Variants in FRMPD4 observed in about 807,000 individuals in gnomAD.
FRMPD4 encodes FERM and PDZ domain-containing protein 4.
Under a neutral mutation model 94.1 loss-of-function variants are expected in FRMPD4, and 22 were observed. The observed-to-expected ratio is 0.23, with a 90% CI of 0.17 to 0.33. The LOEUF is 0.33. Among genes scored for constraint, FRMPD4 ranks in the 10% least tolerant of loss-of-function variants. The pLI is 1.00. For missense variants in FRMPD4, 1,111 were observed against 1,339.9 expected (o/e 0.83, Z 2.67); for synonymous variants, 631 against 548.6 (o/e 1.15, Z -2.10).
intron 5 of FRMPD4, among the ~76,000 whole-genome samples, chrX:12,682,392 T>G (rs2147104211): frequency 8.9e-6 from 1 of 112,166 alleles, no homozygotes; most frequent in East Asian, 2.8e-4. Flanking sequence ...TTACTAGAAT[T>G]CTTTACGCAA....
At chrX:12,005,594 T>A (rs1393323109) in intron 3 of FRMPD4, among the ~76,000 whole-genome samples, 2 of 109,630 alleles carry the variant, frequency 1.8e-5, no homozygotes, top group African/African-American at 3.3e-5. Flanking sequence ...ATTGTCCTAG[T>A]TTTTACCCCG....
chrX:12,459,833 G>A (rs954363582), intron 1 of FRMPD4, among the ~76,000 whole-genome samples: 33 of 111,682 alleles, frequency 3.0e-4, no homozygotes, highest in African/African-American at 9.7e-4. Flanking sequence ...CTGCTGGATC[G>A]TATGATAAAT....
chrX:12,316,146 TTTTA>T (rs1256423775), intron 1 of FRMPD4, among the ~76,000 whole-genome samples: 1 of 111,322 alleles, frequency 9.0e-6, no homozygotes, highest in Admixed American at 9.5e-5. Context: ...ATTTCCAGAT[TTTTA>T]TTTATTTATT....
chrX:12,642,435 G>A (rs1278693300), intron 4 of FRMPD4, among the ~76,000 whole-genome samples: 1 of 111,801 alleles, frequency 8.9e-6, no homozygotes, highest in Non-Finnish European at 1.9e-5. Context: ...TTTGGGGAGT[G>A]AAACAAGAGT....
chrX:11,995,765 C>T (rs939275889), intron 3 of FRMPD4, among the ~76,000 whole-genome samples: 4 of 111,952 alleles, frequency 3.6e-5, no homozygotes, highest in Non-Finnish European at 7.5e-5. Context: ...TGGCATCTGT[C>T]GTTCCTGGGG....
intron 3 of FRMPD4, among the ~76,000 whole-genome samples, chrX:12,035,748 G>A (rs927549665): frequency 9.0e-6 from 1 of 111,010 alleles, no homozygotes; most frequent in Non-Finnish European, 1.9e-5. Context: ...AGAGATCATG[G>A]GCCCAAAGCA....
At chrX:11,949,274 T>A (rs1158507610) in intron 3 of FRMPD4, among the ~76,000 whole-genome samples, 2 of 112,207 alleles carry the variant, frequency 1.8e-5, no homozygotes, top group East Asian at 5.6e-4. Flanking sequence ...AGATGGCCGT[T>A]CCCTTATGAA....
chrX:11,889,698 G>A (rs769240959), intron 3 of FRMPD4, among the ~76,000 whole-genome samples: 27 of 112,059 alleles, frequency 2.4e-4, no homozygotes, highest in African/African-American at 8.8e-4. Context: ...TTCATTTGCT[G>A]CATGAAATCA....
intron 4 of FRMPD4, among the ~76,000 whole-genome samples, chrX:12,645,582 C>T (rs1278212925): frequency 4.6e-5 from 5 of 109,509 alleles, no homozygotes; most frequent in Non-Finnish European, 9.5e-5. Context: ...CTCGAGCTTC[C>T]GACCTCAGGT....
intron 1 of FRMPD4, among the ~76,000 whole-genome samples, chrX:12,422,155 A>G (rs1158542919): frequency 8.9e-6 from 1 of 112,408 alleles, no homozygotes; most frequent in African/African-American, 3.2e-5. Flanking sequence ...AAAAGGGCAC[A>G]TGATCACCAC....
chrX:12,192,038 T>TA (rs1253606589), intron 1 of FRMPD4, among the ~76,000 whole-genome samples: 1 of 111,682 alleles, frequency 9.0e-6, no homozygotes, highest in Non-Finnish European at 1.9e-5. Flanking sequence ...AACACTTCTC[T>TA]AAAAAAACAA....
intron 1 of FRMPD4, among the ~76,000 whole-genome samples, chrX:12,231,010 G>GTATGTATATATATATA (rs1555938195): frequency 1.3e-4 from 5 of 39,142 alleles, no homozygotes; most frequent in Admixed American, 3.6e-4. Flanking sequence ...ATAATATATA[G>GTATGTATATATATATA]TATATATAGT....
At chrX:12,547,369 C>T (rs2058490022) in intron 2 of FRMPD4, among the ~76,000 whole-genome samples, 1 of 111,902 alleles carries the variant, frequency 8.9e-6, no homozygotes. Context: ...TAGCCCATCA[C>T]CTGTTATGGT....
chrX:12,003,384 CAA>C (rs1360831751), intron 3 of FRMPD4, among the ~76,000 whole-genome samples: 12 of 94,866 alleles, frequency 1.3e-4, no homozygotes, highest in Non-Finnish European at 2.5e-4. Context: ...TTCAGTTTGG[CAA>C]GTGTGTGTGT....
intron 1 of FRMPD4, among the ~76,000 whole-genome samples, chrX:12,315,299 C>A (rs2055097612): frequency 8.9e-6 from 1 of 112,427 alleles, no homozygotes; most frequent in South Asian, 3.7e-4. Context: ...AACCCCATTT[C>A]AAAATTCCAA....
chrX:11,907,634 G>C (rs1278214162), intron 3 of FRMPD4, among the ~76,000 whole-genome samples: 1 of 111,274 alleles, frequency 9.0e-6, no homozygotes, highest in African/African-American at 3.3e-5. Context: ...TCCCATTCAT[G>C]AGAGCTCCAC....
intron 14 of FRMPD4, among the ~76,000 whole-genome samples, chrX:12,713,667 C>T (rs143471485): frequency 9.5e-4 from 106 of 111,399 alleles, no homozygotes; most frequent in African/African-American, 3.2e-3. Context: ...AAATACAGAG[C>T]GGAAGTCCCA....
At chrX:12,149,515 G>T (rs977111501) in intron 1 of FRMPD4, among the ~76,000 whole-genome samples, 7 of 112,085 alleles carry the variant, frequency 6.2e-5, no homozygotes, top group Non-Finnish European at 1.3e-4. Flanking sequence ...ACTTAGTGGA[G>T]CCTTAAGATG....
At chrX:12,479,763 G>T (rs1334427671) in intron 1 of FRMPD4, among the ~76,000 whole-genome samples, 1 of 110,038 alleles carries the variant, frequency 9.1e-6, no homozygotes. Context: ...GCCTCCCAAA[G>T]TATTGGGATT....
Sources: allele counts gnomAD v4.1 joint callset (sites outside exome capture counted in the v4.1 genomes callset), GRCh38; gene constraint gnomAD v4.1.1; transcripts MANE v1.5; gene names NCBI Gene and HGNC (gene_info 2026-07-23, HGNC 2026-07-21).